The following SESTD1 variants were observed in gnomAD, a reference collection of about 807,000 sequenced individuals.
SESTD1 encodes SEC14 domain and spectrin repeat-containing protein 1.
SESTD1 carries 43 observed loss-of-function variants against 101.7 expected under a neutral mutation model. The observed-to-expected ratio is 0.42, with a 90% confidence interval of 0.33 to 0.55. The LOEUF (loss-of-function observed/expected upper bound fraction) is 0.55, where lower values mean the gene tolerates loss of function less well. Among genes scored for constraint, SESTD1 ranks in the 20% least tolerant of loss-of-function variants. SESTD1 has a pLI of 0.07. For missense variants in SESTD1, 647 were observed against 815.1 expected (o/e 0.79, Z 2.51); for synonymous variants, 283 against 286.8 (o/e 0.99, Z 0.13).
chr2:179,107,860 A>C lies in SESTD1; in HGVS notation c.*2039T>G, dbSNP rs2044418490. On this transcript the variant is annotated 3_prime_UTR_variant, in exon 18 of 18. Transcript: ENST00000428443. ...CACCATCATGAAGACTGAAATAAAT[A>C]ATCACAAAAGTTCATACTCATAGCA... 1 of 152,158 alleles carries C rather than the reference A, an allele frequency of 6.6e-6. No individual in the cohort carries two copies. Among genetic ancestry groups the C allele is most frequent in the Non-Finnish European group, 1.5e-5 (1 of 68,022 alleles). The allele number at this position is 152,158 out of a possible 1,614,324, so 9.4% of individuals were successfully genotyped here.
At chr2:179,191,904 A>G in intron 1 of SESTD1, 38 bp from the exon 2 acceptor site, 1 of 1,342,500 alleles carries the variant, frequency 7.4e-7, no homozygotes, top group South Asian at 1.2e-5. Context: ...CTACAAGACA[A>G]CAATTATTCC....
rs1385097249 is a variant in SESTD1, at chr2:179,109,969, T to A, written c.2021A>T (p.Asp674Val). 6.2e-7 allele frequency: 1 copy of A among 1,613,870 alleles called. No individual in the cohort carries two copies. The highest frequency in any genetic ancestry group is 8.5e-7 in the Non-Finnish European group (1 of 1,179,930). The change falls in exon 18 of 18, where the codon GAC (aspartate) becomes GTC (valine). Residue 674 changes from aspartate to valine, a missense_variant. Coordinates refer to ENST00000428443, the MANE Select transcript of SESTD1 (RefSeq NM_178123.5). ...DMASTAENIR[D>V]RMKLVNLKRQ... ...TTTGAGATTAACTAGTTTCATCCTG[T>A]CTCTGATGTTTTCTGCAGTAGAAGC...
intron 3 of SESTD1, among the ~76,000 whole-genome samples, chr2:179,178,970 A>G (rs2105481643): frequency 6.6e-6 from 1 of 152,332 alleles, no homozygotes; most frequent in Non-Finnish European, 1.5e-5. Context: ...AAAATACTCT[A>G]AATTTATCTT....
At chr2:179,152,413 A>C (rs191983752) in intron 5 of SESTD1, among the ~76,000 whole-genome samples, 1 of 152,222 alleles carries the variant, frequency 6.6e-6, no homozygotes, top group Non-Finnish European at 1.5e-5. Flanking sequence ...TTATGTGACT[A>C]TATGTGCTTG....
chr2:179,189,658 A>G (rs2046290843), intron 2 of SESTD1, among the ~76,000 whole-genome samples: 1 of 152,174 alleles, frequency 6.6e-6, no homozygotes, highest in Non-Finnish European at 1.5e-5. Context: ...TTATGTTTCT[A>G]TACCTAGACA....
At chr2:179,206,245 A>G (rs2046589110) in intron 1 of SESTD1, among the ~76,000 whole-genome samples, 1 of 135,506 alleles carries the variant, frequency 7.4e-6, no homozygotes, top group Admixed American at 7.2e-5. Flanking sequence ...CAGGAACATA[A>G]CAGGAAAACT....
At chr2:179,242,774 A>T (rs147291704) in intron 1 of SESTD1, among the ~76,000 whole-genome samples, 1 of 152,296 alleles carries the variant, frequency 6.6e-6, no homozygotes, top group East Asian at 1.9e-4. Context: ...ACCGGACAGT[A>T]CCTTTTACCA....
intron 1 of SESTD1, among the ~76,000 whole-genome samples, chr2:179,200,649 C>A (rs2046493991): frequency 6.6e-6 from 1 of 151,024 alleles, no homozygotes; most frequent in African/African-American, 2.4e-5. Context: ...TTTGACAAAC[C>A]TGAGAAAAAC....
chr2:179,232,482 G>A (rs2047001926), intron 1 of SESTD1, among the ~76,000 whole-genome samples: 1 of 151,898 alleles, frequency 6.6e-6, no homozygotes, highest in Non-Finnish European at 1.5e-5. Flanking sequence ...AGAAAAAAAA[G>A]AGAAAGCACA....
In SESTD1 at chr2:179,203,845, A is replaced by T. The variant is rs2046555548; in HGVS notation, c.-25-11979T>A. On this transcript the variant is annotated intron_variant, in intron 1 of 17. Coordinates refer to ENST00000428443, the MANE Select transcript of SESTD1 (RefSeq NM_178123.5). ...CTACTAAGGAGGCTGTGGTGGGAGG[A>T]TTGCTTGGTCCCTAGAGTTGAGTCC... 1.5e-5 allele frequency among the ~76,000 whole-genome samples: 2 copies of T among 133,508 alleles called. 1 individual carries two copies. The highest frequency in any genetic ancestry group is 3.2e-5 in the Non-Finnish European group (2 of 62,362). The allele number at this position is 133,508 out of a possible 152,430, so 87.6% of individuals were successfully genotyped here.
rs2046614983 is a variant in SESTD1 at position 179,208,488 on chromosome 2, C to G, written c.-25-16622G>C. 1.5e-5 allele frequency among the ~76,000 whole-genome samples: 2 copies of G among 134,380 alleles called. 1 individual carries two copies. Among genetic ancestry groups the G allele is most frequent in the Non-Finnish European group, 3.2e-5 (2 of 62,522 alleles). 88.2% of individuals were successfully genotyped at this position (134,380 alleles called of 152,430 possible). On this transcript the variant is annotated intron_variant, in intron 1 of 17. Transcript: ENST00000428443. ...CTGTGAGGCAAAAGCATCAGGTAAC[C>G]TATAAAGGAAAACCTATCAGATTAA...
intron 5 of SESTD1, among the ~76,000 whole-genome samples, chr2:179,161,434 G>C (rs2045734243): frequency 6.6e-6 from 1 of 152,096 alleles, no homozygotes; most frequent in African/African-American, 2.4e-5. Context: ...AGGCCAAGGC[G>C]AGTGGATCAC....
rs781639348 is a variant in SESTD1, at chr2:179,132,419, T to C, written c.857A>G (p.Asn286Ser). The C allele has an allele frequency of 6.4e-7, 1 of 1,553,996 alleles. No homozygotes were observed. The highest frequency in any genetic ancestry group is 1.3e-5 in the South Asian group (1 of 79,832). The part of the protein sequence containing the change: ...EIQQKVMQVV[N>S]WLEGPGSEQL... Reference sequence around the variant, plus strand: ...TTCTGATCCAGGCCCTTCTAGCCAGTTCACCACCTATAAACAAAAGTTGAG... The same window carrying C: ...TTCTGATCCAGGCCCTTCTAGCCAGCTCACCACCTATAAACAAAAGTTGAG... The change falls in exon 10 of 18, where the codon AAC (asparagine) becomes AGC (serine). Residue 286 changes from asparagine (N) to serine (S), a missense_variant. Around this residue, in one of 3 missense-constraint regions of SESTD1, gnomAD observed 476 missense variants for 562.6 expected, o/e 0.85. Transcript: ENST00000428443.
intron 1 of SESTD1, among the ~76,000 whole-genome samples, chr2:179,209,407 A>C (rs1467484345): frequency 7.4e-6 from 1 of 134,668 alleles, no homozygotes; most frequent in Non-Finnish European, 1.6e-5. Context: ...CTACCCAACA[A>C]ATGAAGAATA....
intron 3 of SESTD1, among the ~76,000 whole-genome samples, chr2:179,180,271 T>C (rs913203327): frequency 1.3e-5 from 2 of 152,218 alleles, no homozygotes; most frequent in Non-Finnish European, 2.9e-5. Context: ...AATTTCTTTT[T>C]ATTTTTGCAA....
chr2:179,145,769 T>C (rs1020834203), intron 8 of SESTD1, among the ~76,000 whole-genome samples: 4 of 152,324 alleles, frequency 2.6e-5, no homozygotes, highest in African/African-American at 7.2e-5. Flanking sequence ...GCAAGTCATT[T>C]TGGCTTCCTG....
intron 5 of SESTD1, among the ~76,000 whole-genome samples, chr2:179,157,129 C>CA (rs2045647760): frequency 6.6e-6 from 1 of 151,676 alleles, no homozygotes; most frequent in African/African-American, 2.4e-5. Context: ...ACATTAGCTG[C>CA]AAAAAAATAA....
At chr2:179,228,376 T>C (rs2046922943) in intron 1 of SESTD1, among the ~76,000 whole-genome samples, 1 of 152,180 alleles carries the variant, frequency 6.6e-6, no homozygotes, top group Non-Finnish European at 1.5e-5. Context: ...AATATGTCCA[T>C]GTGTGTAATG....
At chr2:179,115,526 T>C (rs545298757) in intron 15 of SESTD1, among the ~76,000 whole-genome samples, 62 of 152,160 alleles carry the variant, frequency 4.1e-4, no homozygotes, top group African/African-American at 1.4e-3. Context: ...GGTGGGTGGA[T>C]TGCTTGAAGT....
Sources: gnomAD v4.1 joint callset for allele counts (sites outside exome capture counted in the v4.1 genomes callset) on GRCh38, gnomAD v4.1.1 for gene constraint, gnomAD v4.1.1 regional missense constraint, MANE v1.5 for transcripts, NCBI Gene and HGNC (gene_info 2026-07-23, HGNC 2026-07-21) for gene names.